INO80: variants seen among roughly 807,000 people sequenced by gnomAD.
The protein encoded by INO80 is INO80 complex ATPase subunit.
INO80 carries 20 observed loss-of-function variants against 203.4 expected under a neutral mutation model. The observed-to-expected ratio is 0.10, with a 90% CI of 0.07 to 0.14. The LOEUF (loss-of-function observed/expected upper bound fraction) is 0.14. Ranked by LOEUF, INO80 falls within the 10% of genes least tolerant of loss-of-function variation. The pLI, the probability that INO80 is intolerant of heterozygous loss-of-function variation, is 1.00. For missense variants in INO80, 1,419 were observed against 1,914.4 expected (o/e 0.74, Z 4.83); for synonymous variants, 726 against 685.2 (o/e 1.06, Z -0.93).
chr15:41,093,200 G>A (rs1175214799), intron 4 of INO80, among the ~76,000 whole-genome samples: 1 of 152,122 alleles, frequency 6.6e-6, no homozygotes, highest in Non-Finnish European at 1.5e-5. Context: ...GCTGAGGCGG[G>A]GGGATCACAA....
chr15:41,047,369 C>T (rs747373600), intron 23 of INO80, 39 bp downstream of exon 23: 1 of 1,273,482 alleles, frequency 7.9e-7, no homozygotes, highest in Non-Finnish European at 1.1e-6. Flanking sequence ...CCATTTATTC[C>T]TAACTGGCCT....
intron 14 of INO80, among the ~76,000 whole-genome samples, chr15:41,066,198 G>C (rs1390550845): frequency 6.6e-6 from 1 of 151,836 alleles, no homozygotes; most frequent in Non-Finnish European, 1.5e-5. Context: ...GGCTGGTTTA[G>C]AACTCCCGAC....
intron 25 of INO80, among the ~76,000 whole-genome samples, 159 bp from the exon 26 acceptor site, chr15:41,021,284 C>T (rs552948413): frequency 6.6e-6 from 1 of 152,262 alleles, no homozygotes; most frequent in Non-Finnish European, 1.5e-5. Context: ...TAATGAATGA[C>T]TTAGTGAGCT....
At chr15:41,029,737 C>T (rs1237989033) in intron 24 of INO80, among the ~76,000 whole-genome samples, 1 of 152,186 alleles carries the variant, frequency 6.6e-6, no homozygotes, top group African/African-American at 2.4e-5. Flanking sequence ...AGTATCGTTA[C>T]AAAGATTAGC....
intron 1 of INO80, among the ~76,000 whole-genome samples, chr15:41,110,401 C>A (rs974980604): frequency 1.9e-4 from 29 of 151,698 alleles, no homozygotes; most frequent in African/African-American, 6.8e-4. Context: ...CCTCAGCCTC[C>A]CAAAGTGCTG....
In INO80 at chr15:40,979,768, A is replaced by G. The variant is rs959036350; in HGVS notation, c.*455T>C. The G allele has an allele frequency of 5.3e-5, 10 of 187,772 alleles. No homozygotes were observed. In the Admixed American group the frequency reaches 5.4e-4, roughly 10 times the overall value. The allele number at this position is 187,772 out of a possible 1,614,324, so 11.6% of individuals were successfully genotyped here. ...TGCCTGAAGACTGTGGACAACAGGT[A>G]TACAATCTCCCTTACTAGCCCTATG... On this transcript the variant is annotated 3_prime_UTR_variant, in exon 36 of 36. Coordinates refer to ENST00000648947, the MANE Select transcript of INO80 (RefSeq NM_017553.3).
In INO80 at chr15:41,090,129, G is replaced by A. The variant is rs2045613639; in HGVS notation, c.537+1898C>T. On this transcript the variant is annotated intron_variant, in intron 5 of 35. Coordinates refer to ENST00000648947, the MANE Select transcript of INO80 (RefSeq NM_017553.3). The stretch of plus-strand genomic sequence containing the variant: ...ATATAAGATAAGGTATAAATACAAC[G>A]AATATTTGCAATAAGAAGAAATGAA... 2.0e-5 allele frequency among the ~76,000 whole-genome samples: 3 copies of A among 152,106 alleles called. No individual in the cohort carries two copies. In the South Asian group the frequency reaches 6.2e-4, roughly 31 times the overall value.
intron 27 of INO80, among the ~76,000 whole-genome samples, chr15:41,007,168 C>CTT (rs1210127914): frequency 6.2e-5 from 8 of 128,500 alleles, no homozygotes; most frequent in East Asian, 2.3e-4. Flanking sequence ...CACAGGCACT[C>CTT]TTTTTTTTTT....
At chr15:41,064,620 CAGAA>C (rs1406437058) in intron 14 of INO80, among the ~76,000 whole-genome samples, 1 of 152,144 alleles carries the variant, frequency 6.6e-6, no homozygotes, top group African/African-American at 2.4e-5. Context: ...AAGTCATGCT[CAGAA>C]AGCAATGAGT....
chr15:40,991,900 A>T (rs943179110), intron 29 of INO80, among the ~76,000 whole-genome samples: 1 of 151,916 alleles, frequency 6.6e-6, no homozygotes, highest in African/African-American at 2.4e-5. Flanking sequence ...CAGCCTCCCG[A>T]GTAGCTGGGA....
At chr15:41,072,185 A>C in intron 11 of INO80, 127 bp from the exon 12 acceptor site, 1 of 597,898 alleles carries the variant, frequency 1.7e-6, no homozygotes, top group Non-Finnish European at 2.8e-6. Context: ...AATTTCTCAT[A>C]ATCTGATAAT....
chr15:41,041,857 C>T (rs2044673796), intron 24 of INO80, among the ~76,000 whole-genome samples: 1 of 118,982 alleles, frequency 8.4e-6, no homozygotes, highest in Non-Finnish European at 1.7e-5. Context: ...TTTTTTGAGG[C>T]AGGGTCTCGC....
At chr15:40,986,829 G>A (rs1164296547) in intron 31 of INO80, among the ~76,000 whole-genome samples, 1 of 152,114 alleles carries the variant, frequency 6.6e-6, no homozygotes, top group Non-Finnish European at 1.5e-5. Context: ...GTTTCACAAT[G>A]TTGGCCAGGC....
chr15:40,980,671 A>G (rs1893793209), intron 35 of INO80, among the ~76,000 whole-genome samples: 6 of 152,280 alleles, frequency 3.9e-5, no homozygotes, highest in Admixed American at 3.3e-4. Context: ...AACCCTCTCT[A>G]TACTACTTCA....
chr15:41,049,362 G>C lies in INO80; in HGVS notation c.2501C>G (p.Ser834Cys), dbSNP rs531473781. The change falls in exon 21 of 36, where the codon TCC (serine) becomes TGC (cysteine). Residue 834 changes from serine to cysteine, a missense_variant. Coordinates refer to ENST00000648947, the MANE Select transcript of INO80 (RefSeq NM_017553.3). ...CTTTGAAATGTGGTATGGCTTTAGG[G>C]AAATATGAAATGGAGACCAAGTTTC... The part of the protein sequence containing the change: ...RQETWSPFHI[S>C]LKPYHISKFI... The C allele has an allele frequency of 6.2e-7, 1 of 1,613,634 alleles. No homozygotes were observed.
chr15:41,018,299 A>C (rs1166471404), intron 26 of INO80: 1 of 152,210 alleles, frequency 6.6e-6, no homozygotes, highest in African/African-American at 2.4e-5. Flanking sequence ...AACTTCAATT[A>C]TTTCAAAATC....
At chr15:41,089,924 C>G (rs942647314) in intron 5 of INO80, among the ~76,000 whole-genome samples, 1 of 152,144 alleles carries the variant, frequency 6.6e-6, no homozygotes, top group Non-Finnish European at 1.5e-5. Flanking sequence ...TCTGGCAATT[C>G]CTCAAAAGGC....
chr15:41,102,434 G>A (rs533641586), intron 1 of INO80, among the ~76,000 whole-genome samples: 22 of 152,260 alleles, frequency 1.4e-4, no homozygotes, highest in African/African-American at 4.6e-4. Flanking sequence ...TTGGGAGGCC[G>A]AGGCGGGCAA....
chr15:41,020,861 C>G, intron 26 of INO80, 39 bp downstream of exon 26: 1 of 1,345,860 alleles, frequency 7.4e-7, no homozygotes. Flanking sequence ...CTCCCCTTGC[C>G]AAAGCGAGGA....
Sources: gnomAD v4.1 joint callset for allele counts (sites outside exome capture counted in the v4.1 genomes callset) on GRCh38, gnomAD v4.1.1 for gene constraint, MANE v1.5 for transcripts, NCBI Gene and HGNC (gene_info 2026-07-23, HGNC 2026-07-21) for gene names.